Variants in TTC8 observed in about 807,000 individuals in gnomAD.
TTC8 encodes tetratricopeptide repeat domain 8, also known as tetratricopeptide repeat protein 8.
A neutral mutation model predicts 72.5 loss-of-function variants in TTC8; 47 were observed. The observed-to-expected ratio is 0.65, with a 90% CI of 0.51 to 0.83. TTC8 has a LOEUF of 0.83. TTC8 is among the 40% of genes least tolerant of loss of function. The pLI is 0.00. For missense variants in TTC8, 611 were observed against 623.2 expected, an observed-to-expected ratio of 0.98 and a Z score of 0.21; for synonymous variants, 199 against 221.4, an observed-to-expected ratio of 0.90 and a Z score of 0.90.
intron 13 of TTC8, among the ~76,000 whole-genome samples, chr14:88,872,665 A>G (rs1035858411): frequency 1.3e-5 from 2 of 152,166 alleles, no homozygotes; most frequent in African/African-American, 4.8e-5. Context: ...TGATTTTATT[A>G]GGACAAATCT....
intron 1 of TTC8, 129 bp downstream of exon 1, chr14:88,824,950 G>T: frequency 2.4e-6 from 2 of 849,578 alleles, no homozygotes; most frequent in South Asian, 2.9e-5. Context: ...GGCCCTCGGA[G>T]GCGCCCGGAG....
intron 7 of TTC8, among the ~76,000 whole-genome samples, chr14:88,847,266 T>C (rs529123648): frequency 2.0e-5 from 3 of 152,190 alleles, no homozygotes; most frequent in East Asian, 3.9e-4. Context: ...TGTAGTAAAA[T>C]AGACCTGGGG....
At chr14:88,880,908 C>T (rs147481623), downstream of TTC8, 4 of 152,064 alleles carry the variant, frequency 2.6e-5, no homozygotes, top group East Asian at 7.7e-4. Context: ...AATTTGATAA[C>T]AGAATGAAAT....
chr14:88,870,035 C>T, intron 10 of TTC8, 24 bp from the exon 11 acceptor site: 3 of 1,612,516 alleles, frequency 1.9e-6, no homozygotes, highest in Non-Finnish European at 1.7e-6. Context: ...TAAAATATTG[C>T]TCTTCTCTCT....
At chr14:88,843,779 G>A (rs768111024) in intron 6 of TTC8, 27 bp from the exon 7 acceptor site, 14 of 1,559,156 alleles carry the variant, frequency 9.0e-6, no homozygotes, top group Non-Finnish European at 1.1e-5. Flanking sequence ...AAAATCTAAC[G>A]TATTTTTGAC....
At chr14:88,867,886 T>C (rs2094918128) in intron 10 of TTC8, among the ~76,000 whole-genome samples, 1 of 152,210 alleles carries the variant, frequency 6.6e-6, no homozygotes, top group South Asian at 2.1e-4. Context: ...GCTGTTGGCT[T>C]TGAAAAAGAA....
At chr14:88,824,853 C>T (rs1171585027) in intron 1 of TTC8, 32 bp downstream of exon 1, 2 of 1,574,054 alleles carry the variant, frequency 1.3e-6, no homozygotes, top group Non-Finnish European at 1.7e-6. Context: ...CCTGTGCATC[C>T]TGACGCTGAG....
At chr14:88,852,756 A>G (rs948123032) in intron 7 of TTC8, among the ~76,000 whole-genome samples, 1 of 152,096 alleles carries the variant, frequency 6.6e-6, no homozygotes, top group Non-Finnish European at 1.5e-5. Context: ...CCCTTTGATG[A>G]GTGTTTTTAT....
At chr14:88,880,937 C>A (rs1023036923), downstream of TTC8, 6 of 152,010 alleles carry the variant, frequency 3.9e-5, no homozygotes, top group African/African-American at 1.4e-4. Flanking sequence ...GAGAAAGATA[C>A]ATTTTTAACC....
At chr14:88,862,582 A>ATATG (rs2094892167) in intron 10 of TTC8, among the ~76,000 whole-genome samples, 1 of 71,602 alleles carries the variant, frequency 1.4e-5, no homozygotes, top group African/African-American at 6.0e-5. Context: ...ATATATATAT[A>ATATG]TATATATATA....
At chr14:88,873,370 C>T (rs2141040732) in intron 13 of TTC8, among the ~76,000 whole-genome samples, 1 of 152,314 alleles carries the variant, frequency 6.6e-6, no homozygotes, top group Admixed American at 6.5e-5. Context: ...AAGGTCATCT[C>T]CCCCATCAGT....
intron 2 of TTC8, among the ~76,000 whole-genome samples, chr14:88,838,425 C>G (rs1314905267): frequency 1.3e-5 from 2 of 152,132 alleles, no homozygotes; most frequent in Non-Finnish European, 2.9e-5. Flanking sequence ...TCACCTGTTC[C>G]TTTCGCAGTC....
At chr14:88,829,149 T>C (rs1297124699) in intron 1 of TTC8, among the ~76,000 whole-genome samples, 1 of 152,182 alleles carries the variant, frequency 6.6e-6, no homozygotes, top group Non-Finnish European at 1.5e-5. Context: ...ATGAAGAGTA[T>C]TAAAGTTCAG....
At chr14:88,864,127 A>T (rs1162016477) in intron 10 of TTC8, among the ~76,000 whole-genome samples, 1 of 152,066 alleles carries the variant, frequency 6.6e-6, no homozygotes, top group Non-Finnish European at 1.5e-5. Flanking sequence ...TAGTATATGA[A>T]TTTTTTTTAT....
intron 7 of TTC8, among the ~76,000 whole-genome samples, chr14:88,847,968 C>A (rs2094815364): frequency 6.6e-6 from 1 of 151,480 alleles, no homozygotes; most frequent in Non-Finnish European, 1.5e-5. Flanking sequence ...ACTAAAAATA[C>A]AAAAATTAGC....
In TTC8 at chr14:88,877,825, G is replaced by A. The variant is rs2094963344; in HGVS notation, c.*415G>A. The A allele has an allele frequency of 6.4e-6, 1 of 156,568 alleles. No homozygotes were observed. The highest frequency in any genetic ancestry group is 2.4e-5 in the African/African-American group (1 of 41,502). The allele number at this position is 156,568 out of a possible 1,614,324, so 9.7% of individuals were successfully genotyped here. ...TTAAAACTGCACCTTTAAGCCAGGT[G>A]TGGTAGCATGTGCCTATAGTCCCAG... On this transcript the variant is annotated 3_prime_UTR_variant, in exon 15 of 15. Transcript: ENST00000380656.
intron 1 of TTC8, among the ~76,000 whole-genome samples, chr14:88,832,122 T>C (rs2094728591): frequency 6.6e-6 from 1 of 152,060 alleles, no homozygotes; most frequent in African/African-American, 2.4e-5. Flanking sequence ...TGCACATTGA[T>C]GATTTCCTGT....
chr14:88,848,225 G>T (rs925652177), intron 7 of TTC8, among the ~76,000 whole-genome samples: 1 of 149,130 alleles, frequency 6.7e-6, no homozygotes, highest in Non-Finnish European at 1.5e-5. Flanking sequence ...TAGAAAAAAT[G>T]CTGGTAAATA....
At position 88,864,583 on chromosome 14, in the gene TTC8, A is replaced by G. The variant is rs189614170; in HGVS notation, c.909+3251A>G. ...GTGATACGGAGTAGCTCTGGAGTGG[A>G]TTCCTTTTCTCAACCTTTCCCTGCT... is the stretch of plus-strand genomic sequence containing the variant. On this transcript the variant is annotated intron_variant, in intron 10 of 14. Transcript: ENST00000380656. Among the ~76,000 whole-genome samples the G allele has an allele frequency of 3.6e-4, 55 of 152,286 alleles. 1 individual carries two copies. The highest frequency in any genetic ancestry group is 3.6e-3 in the Admixed American group (55 of 15,286).
Sources: allele counts gnomAD v4.1 joint callset (sites outside exome capture counted in the v4.1 genomes callset), GRCh38; gene constraint gnomAD v4.1.1; transcripts MANE v1.5; gene names NCBI Gene and HGNC (gene_info 2026-07-23, HGNC 2026-07-21).